VPS13A: variants seen among roughly 807,000 people sequenced by gnomAD.
The protein encoded by VPS13A is intermembrane lipid transfer protein VPS13A.
VPS13A carries 264 observed loss-of-function variants against 390.9 expected under a neutral mutation model. That is an observed-to-expected ratio of 0.68 (90% CI 0.61 to 0.75). VPS13A has a LOEUF of 0.75. VPS13A is among the 30% of genes least tolerant of loss of function. The pLI, the probability that VPS13A is intolerant of heterozygous loss-of-function variation, is 0.00. For synonymous variants in VPS13A, 1,231 were observed against 1,227.1 expected (o/e 1.00, Z -0.07); for missense variants, 3,409 against 3,733.9 (o/e 0.91, Z 2.27).
rs191990639 is a variant in VPS13A, at chr9:77,365,971, A to G, written c.8325+398A>G. On this transcript the variant is annotated intron_variant, in intron 60 of 71. Coordinates refer to ENST00000360280, the MANE Select transcript of VPS13A (RefSeq NM_033305.3). ...ATTCCTATAAGCTAATTATACAATA[A>G]TAGAAGAAAATTACTAAACAACCAT... Among the ~76,000 whole-genome samples, 30 of 152,280 alleles carry G rather than the reference A, an allele frequency of 2.0e-4. No individual in the cohort carries two copies. In the East Asian group the frequency reaches 5.2e-3, roughly 26 times the overall value.
At chr9:77,316,569 A>G (rs1829400975) in intron 39 of VPS13A, among the ~76,000 whole-genome samples, 163 bp downstream of exon 39, 1 of 152,088 alleles carries the variant, frequency 6.6e-6, no homozygotes, top group Non-Finnish European at 1.5e-5. Context: ...ACCAGCTTTG[A>G]AACTCTTTCA....
chr9:77,278,354 T>G (rs908709381), intron 26 of VPS13A, among the ~76,000 whole-genome samples: 4 of 151,664 alleles, frequency 2.6e-5, no homozygotes, highest in Non-Finnish European at 5.9e-5. Context: ...ATTACAGGCG[T>G]GAGCCACCGC....
chr9:77,193,983 C>T (rs1330300568), intron 1 of VPS13A, among the ~76,000 whole-genome samples: 2 of 152,152 alleles, frequency 1.3e-5, no homozygotes, highest in Non-Finnish European at 2.9e-5. Flanking sequence ...TCTCTGTCTC[C>T]TCGAGGTTAA....
intron 68 of VPS13A, among the ~76,000 whole-genome samples, chr9:77,393,895 A>T (rs953307922): frequency 1.1e-4 from 17 of 151,906 alleles, no homozygotes; most frequent in Non-Finnish European, 2.1e-4. Context: ...CGGCCTCCTG[A>T]GTAGCTGGGA....
intron 69 of VPS13A, among the ~76,000 whole-genome samples, chr9:77,403,626 G>A (rs1299901210): frequency 6.6e-6 from 1 of 152,188 alleles, no homozygotes; most frequent in Non-Finnish European, 1.5e-5. Flanking sequence ...CTGAAGAAGT[G>A]TACAATTTTA....
intron 54 of VPS13A, 35 bp from the exon 55 acceptor site, chr9:77,356,679 T>C: frequency 6.4e-7 from 1 of 1,564,250 alleles, no homozygotes. Context: ...AATAACTTAG[T>C]ATTAAATACT....
chr9:77,350,398 T>C (rs1831386375), intron 52 of VPS13A, among the ~76,000 whole-genome samples: 1 of 152,192 alleles, frequency 6.6e-6, no homozygotes, highest in Non-Finnish European at 1.5e-5. Context: ...AATATTTCTA[T>C]ATCCTAGTTG....
rs555745326 is a variant in VPS13A, at chr9:77,314,383, G to A, written c.4243-112G>A. The A allele has an allele frequency of 4.3e-6, 5 of 1,170,118 alleles. No homozygotes were observed. The African/African-American group carries it at 7.7e-5, about 18-fold the overall frequency. 72.5% of individuals were successfully genotyped at this position (1,170,118 alleles called of 1,614,324 possible). A position where few individuals can be genotyped will look rare whatever the true frequency, so the allele number is the denominator to read the frequency against. On this transcript the variant is annotated intron_variant, in intron 36 of 71. Coordinates refer to ENST00000360280, the MANE Select transcript of VPS13A (RefSeq NM_033305.3). ...CTTTCATTAGAGCCCTTCGGAGACA[G>A]AATTTTGATGTTTGTTATAAGCAGA...
At position 77,318,461 on chromosome 9, in the gene VPS13A, C is replaced by G. The variant is rs1331225998; in HGVS notation, c.5183C>G (p.Ser1728Cys). 1.2e-6 allele frequency: 2 copies of G among 1,613,630 alleles called. No homozygotes were observed. The highest frequency in any genetic ancestry group is 3.3e-5 in the Admixed American group (2 of 59,976). ...GAGATGATAAAAATGAACATTGATTCTATTTTTATAGTTCTTGAGGCTGGA... is the reference window on the plus strand; with the variant it reads ...GAGATGATAAAAATGAACATTGATTGTATTTTTATAGTTCTTGAGGCTGGA... The part of the protein sequence containing the change: ...KGEMIKMNID[S>C]IFIVLEAGIG... The change falls in exon 41 of 72, where the codon TCT becomes TGT. Residue 1728 changes from serine to cysteine, a missense_variant. This residue lies in a region of VPS13A where 2,717 missense variants were observed against 2,917.4 expected (regional missense o/e 0.93). Transcript: ENST00000360280.
chr9:77,178,258 TGCTGCCTCGCAC>T (rs763432609), intron 1 of VPS13A: 114 of 166,410 alleles, frequency 6.9e-4, no homozygotes, highest in Non-Finnish European at 1.3e-3. Flanking sequence ...GCGTGTTGCA[TGCTGCCTCGCAC>T]GTGAAGGCAG....
At chr9:77,324,887 A>G (rs1483949099) in intron 45 of VPS13A, among the ~76,000 whole-genome samples, 1 of 152,066 alleles carries the variant, frequency 6.6e-6, no homozygotes, top group Admixed American at 6.6e-5. Context: ...TAACTCATTA[A>G]AGCAGCAGTA....
In VPS13A at chr9:77,352,324, GT is replaced by G. The variant is rs200412913; in HGVS notation, c.7419+887del. ...GATTCATCTTAATTTGACTCCTGAT[GT>G]TTTTTTTTCTTACCACTGGTGATTT... On this transcript the variant is annotated intron_variant, in intron 53 of 71. Coordinates refer to ENST00000360280, the MANE Select transcript of VPS13A (RefSeq NM_033305.3). 3.3e-5 allele frequency among the ~76,000 whole-genome samples: 5 copies of G among 151,164 alleles called. No individual in the cohort carries two copies. The South Asian group carries it at 6.3e-4, about 19-fold the overall frequency.
At chr9:77,199,598 TA>T (rs1262423763) in intron 1 of VPS13A, among the ~76,000 whole-genome samples, 2 of 152,222 alleles carry the variant, frequency 1.3e-5, no homozygotes, top group African/African-American at 4.8e-5. Flanking sequence ...CTCAATGGTT[TA>T]TTGCAAGTAT....
chr9:77,297,051 G>A (rs572146149), intron 33 of VPS13A, among the ~76,000 whole-genome samples: 5 of 151,420 alleles, frequency 3.3e-5, no homozygotes, highest in Admixed American at 6.6e-5. Flanking sequence ...CGATTTATCC[G>A]TTTTATTGAT....
intron 71 of VPS13A, among the ~76,000 whole-genome samples, chr9:77,410,640 A>G (rs1479145185): frequency 2.0e-5 from 3 of 152,212 alleles, no homozygotes; most frequent in Admixed American, 2.0e-4. Flanking sequence ...CAGGAGTTGC[A>G]ATCCTAGTCT....
intron 1 of VPS13A, among the ~76,000 whole-genome samples, chr9:77,191,895 T>C (rs1487626420): frequency 6.6e-6 from 1 of 152,226 alleles, no homozygotes; most frequent in African/African-American, 2.4e-5. Flanking sequence ...CTCTGTTAGG[T>C]CCATTTGGTG....
At chr9:77,217,917 A>T (rs1439558020) in intron 10 of VPS13A, among the ~76,000 whole-genome samples, 1 of 151,424 alleles carries the variant, frequency 6.6e-6, no homozygotes. Context: ...GGTTGTACTG[A>T]TTTACATTCC....
intron 68 of VPS13A, among the ~76,000 whole-genome samples, chr9:77,383,851 C>CAGT (rs140892396): frequency 0.026 from 3,884 of 151,968 alleles, 157 homozygotes; most frequent in East Asian, 0.19. Flanking sequence ...AGCATTTACA[C>CAGT]AGTATTAGCT....
At chr9:77,280,016 CT>C (rs1196454787) in intron 26 of VPS13A, 142 bp from the exon 27 acceptor site, 1 of 587,884 alleles carries the variant, frequency 1.7e-6, no homozygotes, top group Non-Finnish European at 2.9e-6. Flanking sequence ...AAAGAAGTAA[CT>C]TGACTTGGGT....
Sources: allele counts gnomAD v4.1 joint callset (sites outside exome capture counted in the v4.1 genomes callset), GRCh38; gene constraint gnomAD v4.1.1; regional missense constraint gnomAD v4.1.1; transcripts MANE v1.5; gene names NCBI Gene and HGNC (gene_info 2026-07-23, HGNC 2026-07-21).